RFX2: variants seen among roughly 807,000 people sequenced by gnomAD.
RFX2 encodes the protein DNA-binding protein RFX2.
A neutral mutation model predicts 87.8 loss-of-function variants in RFX2; 20 were observed. The observed-to-expected ratio is 0.23, with a 90% confidence interval of 0.16 to 0.33. The LOEUF is 0.33. Ranked by LOEUF, RFX2 falls within the 10% of genes least tolerant of loss-of-function variation. The pLI is 1.00. For missense variants in RFX2, 767 were observed against 1,012.3 expected (o/e 0.76, Z 3.29); for synonymous variants, 397 against 431.3 (o/e 0.92, Z 0.98).
intron 1 of RFX2, among the ~76,000 whole-genome samples, chr19:6,060,579 C>G (rs1437445946): frequency 6.6e-6 from 1 of 152,164 alleles, no homozygotes; most frequent in African/African-American, 2.4e-5. Flanking sequence ...TAAGTCCAGA[C>G]TCTCAGGAGG....
At position 5,993,184 on chromosome 19, in the gene RFX2, A is replaced by G. The variant is rs578033777; in HGVS notation, c.*1651T>C. ...GAGCCTAAGGCAGAAACCAGCTTGTATTGGTTACCAGGAGTGAGGAAAAGC... is the reference window on the plus strand; with the variant it reads ...GAGCCTAAGGCAGAAACCAGCTTGTGTTGGTTACCAGGAGTGAGGAAAAGC... On this transcript the variant is annotated 3_prime_UTR_variant, in exon 18 of 18. Coordinates refer to ENST00000303657, the MANE Select transcript of RFX2 (RefSeq NM_000635.4). 11 of 152,364 alleles carry G rather than the reference A, an allele frequency of 7.2e-5. 1 individual carries two copies. The highest frequency in any genetic ancestry group is 6.5e-4 in the Admixed American group (10 of 15,304). 9.4% of individuals were successfully genotyped at this position (152,364 alleles called of 1,614,324 possible). A position where few individuals can be genotyped will look rare whatever the true frequency, so the allele number is the denominator to read the frequency against.
In RFX2 at chr19:6,026,266, A is replaced by AAAAC; in HGVS notation, c.523-33_523-30dup. On this transcript the variant is annotated intron_variant, in intron 5 of 17. Coordinates refer to ENST00000303657, the MANE Select transcript of RFX2 (RefSeq NM_000635.4). The surrounding 1 kb of genome is among the most constrained non-coding windows in gnomAD (Gnocchi z 4.5). ...AAGAAAATGTGTGCAGAAACAAAAC[A>AAAAC]AAACAAAATGGAAAAAAAAAAAAAG... 1 of 1,583,160 alleles carries AAAAC rather than the reference A, an allele frequency of 6.3e-7. No individual in the cohort carries two copies. The highest frequency in any genetic ancestry group is 1.1e-5 in the South Asian group (1 of 87,006).
chr19:6,038,740 T>C (rs1346437224), intron 5 of RFX2, among the ~76,000 whole-genome samples: 4 of 152,158 alleles, frequency 2.6e-5, no homozygotes, highest in Non-Finnish European at 5.9e-5. Flanking sequence ...TCATTAGCTA[T>C]AAAGAAAATG....
chr19:6,041,067 T>A (rs1280876870), intron 4 of RFX2, among the ~76,000 whole-genome samples: 1 of 151,948 alleles, frequency 6.6e-6, no homozygotes, highest in African/African-American at 2.4e-5. Context: ...TTTCCAGGGG[T>A]TTTTTTGTTT....
At position 6,001,696 on chromosome 19, in the gene RFX2, T is replaced by C; in HGVS notation, c.1859+119A>G. On this transcript the variant is annotated intron_variant, in intron 15 of 17. Coordinates refer to ENST00000303657, the MANE Select transcript of RFX2 (RefSeq NM_000635.4). This position sits in a 1 kb window ranked among gnomAD's most constrained non-coding sequence, Gnocchi z 5.6. ...TGTTTTTTGCGGGTTCAGACACTGC[T>C]GCAACTCTGCTGAGCCCTGTTTTGC... 1 of 851,414 alleles carries C rather than the reference T, an allele frequency of 1.2e-6. No homozygotes were observed. The highest frequency in any genetic ancestry group is 1.9e-5 in the South Asian group (1 of 52,986). The allele number at this position is 851,414 out of a possible 1,614,324, so 52.7% of individuals were successfully genotyped here. A position where few individuals can be genotyped will look rare whatever the true frequency, so the allele number is the denominator to read the frequency against.
chr19:6,016,414 G>A lies in RFX2; in HGVS notation c.598-143C>T, dbSNP rs955075462. ...TCCATCTTTTCTTTCTTTTTGAGGCGGAGTCTTGCTCTGTCACCCAGTCTG... is the reference window on the plus strand; with the variant it reads ...TCCATCTTTTCTTTCTTTTTGAGGCAGAGTCTTGCTCTGTCACCCAGTCTG... On this transcript the variant is annotated intron_variant, in intron 6 of 17. Coordinates refer to ENST00000303657, the MANE Select transcript of RFX2 (RefSeq NM_000635.4). This position sits in a 1 kb window ranked among gnomAD's most constrained non-coding sequence, Gnocchi z 5.4. The A allele has an allele frequency of 1.2e-5, 7 of 578,866 alleles. No individual in the cohort carries two copies. Among genetic ancestry groups the A allele is most frequent in the Non-Finnish European group, 1.7e-5 (6 of 347,948 alleles). The allele number at this position is 578,866 out of a possible 1,614,324, so 35.9% of individuals were successfully genotyped here. A position where few individuals can be genotyped will look rare whatever the true frequency, so the allele number is the denominator to read the frequency against.
intron 1 of RFX2, among the ~76,000 whole-genome samples, chr19:6,094,144 C>T (rs917736999): frequency 6.6e-6 from 1 of 152,026 alleles, no homozygotes; most frequent in African/African-American, 2.4e-5. Flanking sequence ...GTTTTACAGG[C>T]CTGTGAAATA....
intron 1 of RFX2, among the ~76,000 whole-genome samples, chr19:6,085,975 C>T (rs538898957): frequency 6.6e-6 from 1 of 151,584 alleles, no homozygotes; most frequent in East Asian, 1.9e-4. Flanking sequence ...GCCTGTGGTC[C>T]CAGCTAGTTG....
intron 1 of RFX2, among the ~76,000 whole-genome samples, chr19:6,065,814 G>A (rs2087501500): frequency 6.6e-6 from 1 of 152,090 alleles, no homozygotes; most frequent in African/African-American, 2.4e-5. Context: ...GTCTCACCAC[G>A]GGAACCACAG....
chr19:5,995,137 G>C (rs1180199890), intron 17 of RFX2, among the ~76,000 whole-genome samples, 187 bp from the exon 18 acceptor site: 2 of 152,210 alleles, frequency 1.3e-5, no homozygotes, highest in Admixed American at 1.3e-4. Flanking sequence ...TTACCCAGAG[G>C]TGCCCCCAGC....
At position 5,997,308 on chromosome 19, in the gene RFX2, A is replaced by T; in HGVS notation, c.1860-95T>A. ...ATGGCAGCAACACACCCCCTGCTCTACGTTCCCTGGGGAACCCAGAGGCTG... is the reference window on the plus strand; with the variant it reads ...ATGGCAGCAACACACCCCCTGCTCTTCGTTCCCTGGGGAACCCAGAGGCTG... On this transcript the variant is annotated intron_variant, in intron 15 of 17. Coordinates refer to ENST00000303657, the MANE Select transcript of RFX2 (RefSeq NM_000635.4). The surrounding 1 kb of genome is among the most constrained non-coding windows in gnomAD (Gnocchi z 4.2). 7.4e-7 allele frequency: 1 copy of T among 1,348,676 alleles called. No homozygotes were observed. Among genetic ancestry groups the T allele is most frequent in the Non-Finnish European group, 9.9e-7 (1 of 1,012,832 alleles). The allele number at this position is 1,348,676 out of a possible 1,614,324, so 83.5% of individuals were successfully genotyped here. A position where few individuals can be genotyped will look rare whatever the true frequency, so the allele number is the denominator to read the frequency against.
chr19:6,065,489 A>G (rs1239895331), intron 1 of RFX2, among the ~76,000 whole-genome samples: 1 of 152,146 alleles, frequency 6.6e-6, no homozygotes, highest in Non-Finnish European at 1.5e-5. Context: ...TACTACAAAT[A>G]CAAAAAAATT....
chr19:6,021,417 C>T lies in RFX2; in HGVS notation c.597+4746G>A, dbSNP rs528796115. On this transcript the variant is annotated intron_variant, in intron 6 of 17. Coordinates refer to ENST00000303657, the MANE Select transcript of RFX2 (RefSeq NM_000635.4). This position sits in a 1 kb window ranked among gnomAD's most constrained non-coding sequence, Gnocchi z 5.7. ...AAATGAACCGAATGAGGGCTGATGC[C>T]GAGTGCCGTCAGAGAAATTCACCTG... Among the ~76,000 whole-genome samples, 16 of 152,306 alleles carry T rather than the reference C, an allele frequency of 1.1e-4. No individual in the cohort carries two copies. Among genetic ancestry groups the T allele is most frequent in the Non-Finnish European group, 1.8e-4 (12 of 68,030 alleles).
chr19:6,043,671 A>G (rs2144771110), intron 3 of RFX2, among the ~76,000 whole-genome samples: 1 of 152,384 alleles, frequency 6.6e-6, no homozygotes, highest in East Asian at 1.9e-4. Flanking sequence ...ACAAACCCCC[A>G]AAAATGTATA....
At chr19:6,049,562 C>T (rs767339027) in intron 1 of RFX2, among the ~76,000 whole-genome samples, 1 of 152,088 alleles carries the variant, frequency 6.6e-6, no homozygotes, top group Non-Finnish European at 1.5e-5. Flanking sequence ...TTTTTTGAGA[C>T]GAAGTCTTGC....
In RFX2 at chr19:6,016,370, A is replaced by G. The variant is rs2086726506; in HGVS notation, c.598-99T>C. 5 of 750,938 alleles carry G rather than the reference A, an allele frequency of 6.7e-6. No homozygotes were observed. Among genetic ancestry groups the G allele is most frequent in the Non-Finnish European group, 1.0e-5 (5 of 485,912 alleles). 46.5% of individuals were successfully genotyped at this position (750,938 alleles called of 1,614,324 possible). A position where few individuals can be genotyped will look rare whatever the true frequency, so the allele number is the denominator to read the frequency against. ...GAGAATTACTTGCGTTCCCTGTGTT[A>G]CCAAATGGGATGAGGAAATCCATCT... On this transcript the variant is annotated intron_variant, in intron 6 of 17. Transcript: ENST00000303657. This position sits in a 1 kb window ranked among gnomAD's most constrained non-coding sequence, Gnocchi z 5.4.
Position 6,074,535 on chromosome 19 carries a change from C to T in RFX2, c.-8-27031G>A, listed in dbSNP as rs1167457196. Among the ~76,000 whole-genome samples the T allele has an allele frequency of 6.6e-6, 1 of 152,206 alleles. No individual in the cohort carries two copies. Among genetic ancestry groups the T allele is most frequent in the African/African-American group, 2.4e-5 (1 of 41,448 alleles). Reference sequence around the variant, plus strand: ...ACACAGTCTGAGCATCTGCCATGTGCCGGCTTCAAGTGCTGAGGACACAGC... The same window carrying T: ...ACACAGTCTGAGCATCTGCCATGTGTCGGCTTCAAGTGCTGAGGACACAGC... On this transcript the variant is annotated intron_variant, in intron 1 of 17. Coordinates refer to ENST00000303657, the MANE Select transcript of RFX2 (RefSeq NM_000635.4). The surrounding 1 kb of genome is among the most constrained non-coding windows in gnomAD (Gnocchi z 5.2).
At position 6,013,191 on chromosome 19, in the gene RFX2, CTTT is replaced by C. The variant is rs889626638; in HGVS notation, c.780-89_780-87del. ...TTGGGATTCTTTTTCTTTCTTTCTTCTTTTTTTTTTTTGAGACAGAATCTCATT... is the reference window on the plus strand; with the variant it reads ...TTGGGATTCTTTTTCTTTCTTTCTTCTTTTTTTTTGAGACAGAATCTCATT... On this transcript the variant is annotated intron_variant, in intron 7 of 17. Coordinates refer to ENST00000303657, the MANE Select transcript of RFX2 (RefSeq NM_000635.4). This position sits in a 1 kb window ranked among gnomAD's most constrained non-coding sequence, Gnocchi z 4.1. The C allele has an allele frequency of 7.8e-4, 839 of 1,075,816 alleles. 1 individual carries two copies. The highest frequency in any genetic ancestry group is 1.0e-3 in the Non-Finnish European group (803 of 800,924). 66.6% of individuals were successfully genotyped at this position (1,075,816 alleles called of 1,614,324 possible).
chr19:5,996,491 T>C (rs1038014723), intron 16 of RFX2, among the ~76,000 whole-genome samples: 1 of 152,188 alleles, frequency 6.6e-6, no homozygotes, highest in South Asian at 2.1e-4. Flanking sequence ...CTATGAAGTG[T>C]CCAGGACAGG....
Sources: gnomAD v4.1 joint callset for allele counts (sites outside exome capture counted in the v4.1 genomes callset) on GRCh38, gnomAD v4.1.1 for gene constraint, Gnocchi (gnomAD v3.1) non-coding constraint, MANE v1.5 for transcripts, NCBI Gene and HGNC (gene_info 2026-07-23, HGNC 2026-07-21) for gene names.